Variants in MGRN1 observed in about 807,000 individuals in gnomAD.
MGRN1 encodes the protein E3 ubiquitin-protein ligase MGRN1.
Under a neutral mutation model 69.2 loss-of-function variants are expected in MGRN1, and 29 were observed. The observed-to-expected ratio is 0.42, with a 90% CI of 0.31 to 0.57. The LOEUF (loss-of-function observed/expected upper bound fraction) is 0.57. Among genes scored for constraint, MGRN1 ranks in the 20% least tolerant of loss-of-function variants. The pLI is 0.15. For missense variants in MGRN1, 998 were observed against 796.2 expected (o/e 1.25, Z -3.05); for synonymous variants, 470 against 344.2 (o/e 1.37, Z -4.04).
Position 4,680,032 on chromosome 16 carries a change from T to C in MGRN1, c.1066T>C (p.Cys356Arg). Residue 356 changes from cysteine (C) to arginine (R), a missense_variant and splice_region_variant, in exon 12 of 17, where the codon TGT (cysteine) becomes CGT (arginine). Coordinates refer to ENST00000262370, the MANE Select transcript of MGRN1 (RefSeq NM_015246.4). ...AQSLEHDEHS[C>R]PFKKSKPHPA... ...AAACATATGATTTTTATCTTGACAG[T>C]GTCCCTTTAAAAAATCAAAGCCGCA... is the stretch of plus-strand genomic sequence containing the variant. 6.2e-7 allele frequency: 1 copy of C among 1,613,868 alleles called. No homozygotes were observed. Among genetic ancestry groups the C allele is most frequent in the Non-Finnish European group, 8.5e-7 (1 of 1,179,836 alleles).
At chr16:4,646,831 G>A (rs753442284) in intron 1 of MGRN1, among the ~76,000 whole-genome samples, 1 of 152,222 alleles carries the variant, frequency 6.6e-6, no homozygotes, top group Non-Finnish European at 1.5e-5. Flanking sequence ...CCTTGAAGGT[G>A]CCCTGGGAGG....
chr16:4,686,939 G>A (rs2079334631), intron 16 of MGRN1: 3 of 985,376 alleles, frequency 3.0e-6, no homozygotes, highest in Non-Finnish European at 2.4e-6. Context: ...CCGTCCTCGA[G>A]GGGCCCTCTG....
chr16:4,672,456 T>G (rs530584321), intron 9 of MGRN1: 16 of 456,740 alleles, frequency 3.5e-5, no homozygotes, highest in African/African-American at 2.8e-4. Flanking sequence ...CCAGGACAAC[T>G]GGAGCAGCTC....
intron 7 of MGRN1, among the ~76,000 whole-genome samples, chr16:4,667,917 T>C (rs1327971130): frequency 6.6e-6 from 1 of 152,186 alleles, no homozygotes; most frequent in African/African-American, 2.4e-5. Flanking sequence ...TACTTCTCGG[T>C]GTGCAGGAGG....
chr16:4,628,364 G>A (rs192756538), intron 1 of MGRN1, among the ~76,000 whole-genome samples: 19 of 140,728 alleles, frequency 1.4e-4, no homozygotes, highest in Non-Finnish European at 2.4e-4. Context: ...CCAGCTGGGC[G>A]ATAGAGTGTG....
At chr16:4,626,341 G>A (rs1048595392) in intron 1 of MGRN1, among the ~76,000 whole-genome samples, 2 of 152,324 alleles carry the variant, frequency 1.3e-5, no homozygotes, top group South Asian at 2.1e-4. Flanking sequence ...TTTCCCTAGA[G>A]GTTCCGAGGG....
chr16:4,643,530 C>A (rs1231721606), intron 1 of MGRN1, among the ~76,000 whole-genome samples: 1 of 151,666 alleles, frequency 6.6e-6, no homozygotes, highest in Non-Finnish European at 1.5e-5. Context: ...TGCCACCACA[C>A]CTGGCTAATT....
At chr16:4,643,898 C>A (rs1441034266) in intron 1 of MGRN1, among the ~76,000 whole-genome samples, 1 of 152,120 alleles carries the variant, frequency 6.6e-6, no homozygotes, top group African/African-American at 2.4e-5. Flanking sequence ...TCCTTTTTCT[C>A]CTGGTTAATT....
chr16:4,690,753 C>G lies in MGRN1; in HGVS notation c.*1845C>G, dbSNP rs948035506. ...CCAAGCACCTCTCTCCCCCCATGCACCTCTCCCCAACAACACACACAGCCC... is the reference window on the plus strand; with the variant it reads ...CCAAGCACCTCTCTCCCCCCATGCAGCTCTCCCCAACAACACACACAGCCC... On this transcript the variant is annotated 3_prime_UTR_variant, in exon 17 of 17. Coordinates refer to ENST00000262370, the MANE Select transcript of MGRN1 (RefSeq NM_015246.4). The G allele has an allele frequency of 6.6e-6, 1 of 150,660 alleles. No homozygotes were observed. The highest frequency in any genetic ancestry group is 1.5e-5 in the Non-Finnish European group (1 of 67,562). 9.3% of individuals were successfully genotyped at this position (150,660 alleles called of 1,614,324 possible). A position where few individuals can be genotyped will look rare whatever the true frequency, so the allele number is the denominator to read the frequency against.
chr16:4,624,910 T>TCGCCGCTCC lies in MGRN1; in HGVS notation c.-48_-40dup, dbSNP rs780287236. The TCGCCGCTCC allele has an allele frequency of 1.9e-5, 28 of 1,461,704 alleles. No individual in the cohort carries two copies. In the South Asian group the frequency reaches 3.5e-4, roughly 18 times the overall value. 90.5% of individuals were successfully genotyped at this position (1,461,704 alleles called of 1,614,324 possible). On this transcript the variant is annotated 5_prime_UTR_variant, in exon 1 of 17. Transcript: ENST00000262370. ...TGTCCGCGTGAGGACCCCGCCGCTG[T>TCGCCGCTCC]CGCCGCTCCCGTTCCGGCCCTGGCC... is the stretch of plus-strand genomic sequence containing the variant.
chr16:4,664,711 G>A lies in MGRN1; in HGVS notation c.564G>A (p.Leu188=). Residue 188 remains leucine (L), a splice_region_variant and synonymous_variant, in exon 6 of 17, where the codon CTG becomes CTA. Transcript: ENST00000262370. ...ATTCTTGGCAACTCTCTCCTCAGCT[G>A]AACTTTGACCTGGACCGGGGCGTGT... is the stretch of plus-strand genomic sequence containing the variant. ...IDFSEWKDDE[L]NFDLDRGVFP... The A allele has an allele frequency of 6.2e-7, 1 of 1,614,186 alleles. No homozygotes were observed. Among genetic ancestry groups the A allele is most frequent in the Non-Finnish European group, 8.5e-7 (1 of 1,180,040 alleles).
At chr16:4,686,598 C>T (rs1224796612) in intron 16 of MGRN1, 1 of 1,231,382 alleles carries the variant, frequency 8.1e-7, no homozygotes, top group African/African-American at 1.5e-5. Context: ...AGTCCCAGCC[C>T]AGGCAGGGAG....
intron 7 of MGRN1, among the ~76,000 whole-genome samples, chr16:4,667,567 C>T (rs1002822224): frequency 7.2e-5 from 11 of 152,342 alleles, no homozygotes; most frequent in Admixed American, 6.5e-4. Context: ...TGGGAAACTG[C>T]TTTATTTTTG....
intron 1 of MGRN1, among the ~76,000 whole-genome samples, chr16:4,646,056 A>C (rs2078267371): frequency 1.3e-5 from 2 of 152,134 alleles, no homozygotes; most frequent in Non-Finnish European, 2.9e-5. Flanking sequence ...GGCTTAGCAC[A>C]GTGAGCACTT....
intron 5 of MGRN1, chr16:4,659,152 T>C (rs886672663): frequency 7.6e-6 from 1 of 132,040 alleles, no homozygotes; most frequent in Non-Finnish European, 1.7e-5. Flanking sequence ...CTCCATTTCT[T>C]AGGAAGGTAA....
intron 1 of MGRN1, among the ~76,000 whole-genome samples, chr16:4,636,760 T>A (rs1596260928): frequency 6.6e-6 from 1 of 152,230 alleles, no homozygotes; most frequent in Middle Eastern, 3.4e-3. Flanking sequence ...CGCCTTTCTC[T>A]ATGCGAATTG....
intron 7 of MGRN1, among the ~76,000 whole-genome samples, chr16:4,667,391 A>G (rs928522490): frequency 6.6e-6 from 1 of 152,198 alleles, no homozygotes; most frequent in African/African-American, 2.4e-5. Flanking sequence ...TGCCCTGGGC[A>G]GAGGGCAGCC....
At chr16:4,672,375 ATGAG>A in intron 9 of MGRN1, 1 of 456,712 alleles carries the variant, frequency 2.2e-6, no homozygotes, top group Middle Eastern at 3.3e-4. Context: ...GCACACTGAC[ATGAG>A]TGAAACTCCT....
chr16:4,654,576 C>G (rs1039360682), intron 4 of MGRN1, among the ~76,000 whole-genome samples: 2 of 152,240 alleles, frequency 1.3e-5, no homozygotes, highest in African/African-American at 4.8e-5. Flanking sequence ...AGCTTTGCAT[C>G]TGGGGATAGG....
Sources: allele counts gnomAD v4.1 joint callset (sites outside exome capture counted in the v4.1 genomes callset), GRCh38; gene constraint gnomAD v4.1.1; transcripts MANE v1.5; gene names NCBI Gene and HGNC (gene_info 2026-07-23, HGNC 2026-07-21).